TMEM223: variants seen among roughly 807,000 people sequenced by gnomAD.
TMEM223 encodes transmembrane protein 223.
A neutral mutation model predicts 14.1 loss-of-function variants in TMEM223; 14 were observed. The ratio of observed to expected loss-of-function variants is 0.99; its 90% CI spans 0.66 to 1.55. The LOEUF (loss-of-function observed/expected upper bound fraction) is 1.55, where lower values mean the gene tolerates loss of function less well. Among genes scored for constraint, TMEM223 ranks in the 40% most tolerant of loss-of-function variants. The pLI, the probability that TMEM223 is intolerant of heterozygous loss-of-function variation, is 0.00. For synonymous variants in TMEM223, 145 were observed against 120.5 expected, an observed-to-expected ratio of 1.20 and a Z score of -1.33; for missense variants, 346 against 269.9, an observed-to-expected ratio of 1.28 and a Z score of -1.97.
chr11:62,790,699 A>G lies in TMEM223; in HGVS notation c.533T>C (p.Phe178Ser), dbSNP rs1425698630. The change falls in exon 2 of 2, where the codon TTC becomes TCC. Residue 178 changes from phenylalanine (F) to serine (S), a missense_variant. Phe to Ser is a radical substitution (Grantham distance 155, BLOSUM62 -2). Coordinates refer to ENST00000307366, the MANE Select transcript of TMEM223 (RefSeq NM_001080501.3). ...GAAGTGTCCAGTTTTGTCCAAGAGG[A>G]AATAGAAGCGTCGGCCTTTGACTTT... is the stretch of plus-strand genomic sequence containing the variant. ...PLKVKGRRFY[F>S]LLDKTGHFPN... The G allele has an allele frequency of 1.2e-6, 2 of 1,612,238 alleles. No individual in the cohort carries two copies. The highest frequency in any genetic ancestry group is 1.1e-5 in the South Asian group (1 of 90,728).
At chr11:62,781,876 C>T (rs1437909025) in intron 1 of TMEM223, 1 of 1,613,076 alleles carries the variant, frequency 6.2e-7, no homozygotes, top group Non-Finnish European at 8.5e-7. Context: ...CCAATGCAGT[C>T]TGGGCCCTTC....
In TMEM223 at chr11:62,780,556, C is replaced by T. The variant is rs1452301504; in HGVS notation, c.315-5891G>A. 3.3e-5 allele frequency among the ~76,000 whole-genome samples: 5 copies of T among 151,292 alleles called. No homozygotes were observed. In the East Asian group the frequency reaches 7.8e-4, roughly 24 times the overall value. On this transcript the variant is annotated intron_variant, in intron 1 of 2. Transcript: ENST00000528367. ...CTGCACTCCAGCCTGGCTGATAGAACGAAACTCCGTCTCAAAGAAAAACGA... is the reference window on the plus strand; with the variant it reads ...CTGCACTCCAGCCTGGCTGATAGAATGAAACTCCGTCTCAAAGAAAAACGA...
intron 1 of TMEM223, among the ~76,000 whole-genome samples, chr11:62,779,741 C>T (rs1425922785): frequency 2.0e-5 from 3 of 151,540 alleles, no homozygotes; most frequent in Non-Finnish European, 4.4e-5. Context: ...TGTTGGCTCA[C>T]TGCAGCCTCT....
chr11:62,786,866 A>T (rs2084283852), downstream of TMEM223: 1 of 1,588,790 alleles, frequency 6.3e-7, no homozygotes, highest in Non-Finnish European at 8.5e-7. Flanking sequence ...GCAGCCCCGG[A>T]CTCGGTGCGG....
At chr11:62,788,175 G>A (rs1271439805), downstream of TMEM223, among the ~76,000 whole-genome samples, 1 of 152,214 alleles carries the variant, frequency 6.6e-6, no homozygotes, top group Non-Finnish European at 1.5e-5. Context: ...GGCTGAGGCA[G>A]GCGGATCACT....
intron 1 of TMEM223, chr11:62,778,220 G>T: frequency 1.2e-6 from 2 of 1,613,696 alleles, no homozygotes; most frequent in Non-Finnish European, 8.5e-7. Flanking sequence ...GCAGAACTTG[G>T]AGGGGTAGGC....
intron 1 of TMEM223, among the ~76,000 whole-genome samples, chr11:62,777,089 G>A (rs1213403986): frequency 6.6e-6 from 1 of 151,904 alleles, no homozygotes; most frequent in Admixed American, 6.6e-5. Context: ...AGAGGTTGCA[G>A]TGAGCTGAGA....
chr11:62,791,445 C>T (rs1418573356), intron 1 of TMEM223, among the ~76,000 whole-genome samples: 1 of 144,926 alleles, frequency 6.9e-6, no homozygotes, highest in Non-Finnish European at 1.5e-5. Context: ...TTTTAGTAGA[C>T]ACAGGGTTTG....
In TMEM223 at chr11:62,790,124, T is replaced by C. The variant is rs903290171; in HGVS notation, c.*499A>G. The C allele has an allele frequency of 8.9e-6, 13 of 1,457,104 alleles. No individual in the cohort carries two copies. The East Asian group carries it at 2.9e-4, about 32-fold the overall frequency. 90.3% of individuals were successfully genotyped at this position (1,457,104 alleles called of 1,614,324 possible). A position where few individuals can be genotyped will look rare whatever the true frequency, so the allele number is the denominator to read the frequency against. ...TAATCCCCCCCCTCAAGGCCCTGTT[T>C]ATGTTGGGAGTCTTAGTTTTCCTTT... is the stretch of plus-strand genomic sequence containing the variant. On this transcript the variant is annotated 3_prime_UTR_variant, in exon 2 of 2. Transcript: ENST00000307366.
chr11:62,790,568 C>A lies in TMEM223; in HGVS notation c.*55G>T. 6.6e-7 allele frequency: 1 copy of A among 1,510,192 alleles called. No homozygotes were observed. The highest frequency in any genetic ancestry group is 2.0e-5 in the Admixed American group (1 of 48,998). 93.5% of individuals were successfully genotyped at this position (1,510,192 alleles called of 1,614,324 possible). ...GTGTGAACCAACACACCTGGCTCCCCAAGGTTCAGTTTTTATCCTCCTCTT... is the reference window on the plus strand; with the variant it reads ...GTGTGAACCAACACACCTGGCTCCCAAAGGTTCAGTTTTTATCCTCCTCTT... On this transcript the variant is annotated 3_prime_UTR_variant, in exon 2 of 2. Transcript: ENST00000307366.
chr11:62,782,376 C>T (rs754195865), intron 1 of TMEM223: 1 of 1,589,854 alleles, frequency 6.3e-7, no homozygotes. Context: ...TGCTGCAGAG[C>T]CAAGTGGGTT....
chr11:62,785,418 T>C (rs954432090), downstream of TMEM223, among the ~76,000 whole-genome samples: 1 of 150,582 alleles, frequency 6.6e-6, no homozygotes, highest in African/African-American at 2.4e-5. Flanking sequence ...CGTCTCGAAC[T>C]CCTGACCTCC....
Position 62,781,890 on chromosome 11 carries a change from T to C in TMEM223, c.315-7225A>G. On this transcript the variant is annotated intron_variant, in intron 1 of 2. Transcript: ENST00000528367. ...TCCAATGCAGTCTGGGCCCTTCCTT[T>C]TAGGTTGCACTCCAGGACTTGCAGA... The C allele has an allele frequency of 1.9e-6, 3 of 1,614,094 alleles. No homozygotes were observed. In the African/African-American group the frequency reaches 4.0e-5, roughly 22 times the overall value.
At chr11:62,787,460 A>G (rs947126378), downstream of TMEM223, 5 of 1,574,170 alleles carry the variant, frequency 3.2e-6, no homozygotes, top group African/African-American at 5.4e-5. Flanking sequence ...CAGCGCGTCG[A>G]GCTTGCGCTC....
chr11:62,774,023 G>A (rs980036740), intron 2 of TMEM223, among the ~76,000 whole-genome samples: 4 of 152,240 alleles, frequency 2.6e-5, no homozygotes, highest in Non-Finnish European at 5.9e-5. Context: ...AAGAGGTATT[G>A]CAGAAGTAGG....
downstream of TMEM223, chr11:62,788,069 T>C (rs2084309629): frequency 9.0e-6 from 4 of 446,226 alleles, no homozygotes; most frequent in Admixed American, 2.4e-5. Flanking sequence ...TTAATGCCTA[T>C]AAAGTAGGCA....
At chr11:62,772,895 T>C (rs115549254) in intron 2 of TMEM223, among the ~76,000 whole-genome samples, 3,355 of 152,086 alleles carry the variant, frequency 0.022, 118 homozygotes, top group African/African-American at 0.077. Flanking sequence ...GTGTTTTTTT[T>C]GAGACTGAGT....
At chr11:62,777,227 T>C (rs1345737314) in intron 1 of TMEM223, among the ~76,000 whole-genome samples, 2 of 151,962 alleles carry the variant, frequency 1.3e-5, no homozygotes, top group East Asian at 3.9e-4. Flanking sequence ...CCTGGGAGGC[T>C]GAGGCAGGAG....
chr11:62,791,844 A>G lies in TMEM223; in HGVS notation c.151T>C (p.Phe51Leu). 1 of 1,591,806 alleles carries G rather than the reference A, an allele frequency of 6.3e-7. No homozygotes were observed. Among genetic ancestry groups the G allele is most frequent in the Non-Finnish European group, 8.5e-7 (1 of 1,169,968 alleles). ...CAGAAGACGCCCTGGCCCGCGCAGA[A>G]CAGCCCGAGGATGGTGAAGAAGCGG... is the stretch of plus-strand genomic sequence containing the variant. ...RGRFFTILGL[F>L]CAGQGVFWAS... Residue 51 changes from phenylalanine (F) to leucine (L), a missense_variant, in exon 1 of 2, where the codon TTC becomes CTC. Transcript: ENST00000307366.
Sources: gnomAD v4.1 joint callset for allele counts (sites outside exome capture counted in the v4.1 genomes callset) on GRCh38, gnomAD v4.1.1 for gene constraint, MANE v1.5 for transcripts, NCBI Gene and HGNC (gene_info 2026-07-23, HGNC 2026-07-21) for gene names.